CDK5RAP2: variants seen among roughly 807,000 people sequenced by gnomAD.
CDK5RAP2 encodes CDK5 regulatory subunit associated protein 2.
CDK5RAP2 carries 147 observed loss-of-function variants against 232.9 expected under a neutral mutation model. The ratio of observed to expected loss-of-function variants is 0.63; its 90% CI spans 0.55 to 0.72. The LOEUF (loss-of-function observed/expected upper bound fraction) is 0.72. Ranked by LOEUF, CDK5RAP2 falls within the 30% of genes least tolerant of loss-of-function variation. The pLI, the probability that CDK5RAP2 is intolerant of heterozygous loss-of-function variation, is 0.00. For synonymous variants in CDK5RAP2, 833 were observed against 833.7 expected (o/e 1.00, Z 0.01); for missense variants, 2,195 against 2,231.5 (o/e 0.98, Z 0.33).
chr9:120,496,766 C>G (rs1299250257), intron 12 of CDK5RAP2, among the ~76,000 whole-genome samples: 1 of 133,728 alleles, frequency 7.5e-6, no homozygotes, highest in South Asian at 2.3e-4. Flanking sequence ...CGGCCAGCCG[C>G]CCCGTCCAGG....
In CDK5RAP2 at chr9:120,467,985, T is replaced by A. The variant is rs1319694509; in HGVS notation, c.1981A>T (p.Ile661Leu). 6.2e-7 allele frequency: 1 copy of A among 1,614,132 alleles called. No homozygotes were observed. Among genetic ancestry groups the A allele is most frequent in the East Asian group, 2.2e-5 (1 of 44,884 alleles). ...GTATACAGCTCCTTCACTAGCTGTA[T>A]AAGGTCACTGACCTAGGAGGTAAGA... ...EELKKKVSDL[I>L]QLVKELYTDN... Residue 661 changes from isoleucine (I) to leucine (L), a missense_variant, in exon 18 of 38, where the codon ATA (isoleucine) becomes TTA (leucine). By Grantham distance (5) the Ile-to-Leu change is conservative. Coordinates refer to ENST00000349780, the MANE Select transcript of CDK5RAP2 (RefSeq NM_018249.6).
At chr9:120,517,231 G>A (rs2131827862) in intron 12 of CDK5RAP2, among the ~76,000 whole-genome samples, 1 of 152,230 alleles carries the variant, frequency 6.6e-6, no homozygotes, top group East Asian at 1.9e-4. Context: ...AGTTTTTCTA[G>A]GTTTTCTTTA....
intron 2 of CDK5RAP2, among the ~76,000 whole-genome samples, chr9:120,568,712 C>G (rs750640013): frequency 6.6e-6 from 1 of 152,190 alleles, no homozygotes; most frequent in Non-Finnish European, 1.5e-5. Flanking sequence ...AGAGTGTCAT[C>G]TTCTCACGTC....
At chr9:120,439,182 C>G (rs1399902136) in intron 24 of CDK5RAP2, among the ~76,000 whole-genome samples, 1 of 152,178 alleles carries the variant, frequency 6.6e-6, no homozygotes, top group Non-Finnish European at 1.5e-5. Context: ...AGACTCGTAA[C>G]TGACGTTCAA....
At chr9:120,538,981 T>G (rs1253111726) in intron 6 of CDK5RAP2, 60 bp downstream of exon 6, 1 of 1,572,426 alleles carries the variant, frequency 6.4e-7, no homozygotes, top group Non-Finnish European at 8.7e-7. Context: ...AACAAAACTG[T>G]GCCAGCCTAT....
intron 32 of CDK5RAP2, 39 bp downstream of exon 32, chr9:120,406,973 G>A (rs773480479): frequency 7.0e-7 from 1 of 1,428,472 alleles, no homozygotes; most frequent in South Asian, 1.1e-5. Flanking sequence ...GATGCTCAGA[G>A]CTGCATTCTC....
At position 120,409,216 on chromosome 9, in the gene CDK5RAP2, A is replaced by G. The variant is rs112622917; in HGVS notation, c.4515T>C (p.Asn1505=). 1 of 1,613,542 alleles carries G rather than the reference A, an allele frequency of 6.2e-7. No homozygotes were observed. The highest frequency in any genetic ancestry group is 2.2e-5 in the East Asian group (1 of 44,842). ...CGCTGCCTTCTTTCTGCAGCCTTTC[A>G]TTTTCTTCCTTCACGCTGGCATACT... ...QREYASVKEE[N]ERLQKEGSEK... Residue 1505 remains asparagine, a synonymous_variant, in exon 30 of 38, where the codon AAT becomes AAC. Transcript: ENST00000349780.
chr9:120,532,067 G>A (rs1588586758), intron 7 of CDK5RAP2, among the ~76,000 whole-genome samples: 2 of 151,766 alleles, frequency 1.3e-5, no homozygotes, highest in African/African-American at 4.8e-5. Flanking sequence ...AAAGTAGGCA[G>A]GCCTGGTGGG....
At chr9:120,423,085 C>T (rs1173647427) in intron 25 of CDK5RAP2, among the ~76,000 whole-genome samples, 1 of 152,176 alleles carries the variant, frequency 6.6e-6, no homozygotes, top group East Asian at 1.9e-4. Context: ...GATCAATATC[C>T]TGGCACTCCC....
intron 13 of CDK5RAP2, among the ~76,000 whole-genome samples, chr9:120,490,901 C>G (rs1414577211): frequency 6.6e-6 from 1 of 152,004 alleles, no homozygotes; most frequent in South Asian, 2.1e-4. Flanking sequence ...CAAAAACTCA[C>G]GACATGATCA....
At chr9:120,539,231 A>G in intron 5 of CDK5RAP2, 67 bp from the exon 6 acceptor site, 1 of 1,597,430 alleles carries the variant, frequency 6.3e-7, no homozygotes, top group Admixed American at 1.7e-5. Flanking sequence ...CACAGCCCCA[A>G]AGAGACAAGG....
intron 3 of CDK5RAP2, among the ~76,000 whole-genome samples, chr9:120,554,951 AAAGTC>A (rs2042171063): frequency 6.6e-6 from 1 of 152,096 alleles, no homozygotes; most frequent in Admixed American, 6.6e-5. Context: ...TGAAACGTTT[AAAGTC>A]AAGTGACTAA....
intron 27 of CDK5RAP2, among the ~76,000 whole-genome samples, chr9:120,418,333 C>A (rs749426330): frequency 1.3e-5 from 2 of 151,994 alleles, no homozygotes; most frequent in Non-Finnish European, 2.9e-5. Context: ...GTGGACAGGG[C>A]GAAGGGTGGA....
At chr9:120,454,281 G>A (rs999187081) in intron 20 of CDK5RAP2, among the ~76,000 whole-genome samples, 2 of 152,228 alleles carry the variant, frequency 1.3e-5, no homozygotes, top group Admixed American at 6.5e-5. Context: ...ACATCCAGGG[G>A]CAAGTATGGC....
At chr9:120,536,994 A>AC (rs1564353553) in intron 6 of CDK5RAP2, among the ~76,000 whole-genome samples, 9 of 151,906 alleles carry the variant, frequency 5.9e-5, no homozygotes, top group African/African-American at 2.2e-4. Context: ...AAAAAAAAAA[A>AC]CAACTGTATG....
At chr9:120,537,700 A>AG (rs1219333443) in intron 6 of CDK5RAP2, among the ~76,000 whole-genome samples, 1 of 152,168 alleles carries the variant, frequency 6.6e-6, no homozygotes, top group East Asian at 1.9e-4. Context: ...TTAAAAAAAA[A>AG]AAAAAAGAAA....
rs1272933375 is a variant in CDK5RAP2 at position 120,494,081 on chromosome 9, G to T, written c.1312-2604C>A. Among the ~76,000 whole-genome samples the T allele has an allele frequency of 4.7e-5, 6 of 126,790 alleles. No individual in the cohort carries two copies. The East Asian group carries it at 1.4e-3, about 29-fold the overall frequency. The allele number at this position is 126,790 out of a possible 152,430, so 83.2% of individuals were successfully genotyped here. ...CACTCCAGCCTGGGCAGTACAGCAA[G>T]ACTCAGTTTAAAAAAAAAAAAAAAA... On this transcript the variant is annotated intron_variant, in intron 12 of 37. Transcript: ENST00000349780.
intron 14 of CDK5RAP2, among the ~76,000 whole-genome samples, chr9:120,482,224 T>C (rs1020582268): frequency 6.6e-6 from 1 of 152,182 alleles, no homozygotes; most frequent in Non-Finnish European, 1.5e-5. Context: ...CAGGAATGTA[T>C]GTATGTGGGA....
chr9:120,504,823 C>G (rs561257710), intron 12 of CDK5RAP2, among the ~76,000 whole-genome samples: 8 of 152,318 alleles, frequency 5.3e-5, no homozygotes, highest in African/African-American at 1.7e-4. Flanking sequence ...TCCCCTCCAC[C>G]TGGAAAAAGT....
Sources: gnomAD v4.1 joint callset for allele counts (sites outside exome capture counted in the v4.1 genomes callset) on GRCh38, gnomAD v4.1.1 for gene constraint, MANE v1.5 for transcripts, NCBI Gene and HGNC (gene_info 2026-07-23, HGNC 2026-07-21) for gene names.